The following NSMCE2 variants were observed in gnomAD, a reference collection of about 807,000 sequenced individuals.
The protein encoded by NSMCE2 is NSE2 SUMO ligase component of SMC5/6 complex.
In NSMCE2, 24 loss-of-function variants were observed where a neutral mutation model predicts 23.8. That is an observed-to-expected ratio of 1.01 (90% CI 0.73 to 1.42). The LOEUF (loss-of-function observed/expected upper bound fraction) is 1.42, where lower values mean the gene tolerates loss of function less well. NSMCE2 is among the 40% of genes most tolerant of loss of function. The probability of loss-of-function intolerance (pLI) is 0.00; values close to 1 mark genes in which losing one functional copy is unlikely to be tolerated. For missense variants in NSMCE2, 284 were observed against 296.5 expected (o/e 0.96, Z 0.31); for synonymous variants, 92 against 94.1 (o/e 0.98, Z 0.13).
intron 5 of NSMCE2, among the ~76,000 whole-genome samples, chr8:125,283,290 T>C (rs1332996998): frequency 6.6e-6 from 1 of 152,220 alleles, no homozygotes; most frequent in Admixed American, 6.5e-5. Context: ...GGCTCATGCC[T>C]GTAATCCCAG....
intron 7 of NSMCE2, among the ~76,000 whole-genome samples, chr8:125,362,612 A>G (rs553548198): frequency 6.6e-5 from 10 of 152,332 alleles, no homozygotes; most frequent in African/African-American, 1.9e-4. Context: ...ATGTTCTTAA[A>G]GGGAAAAACT....
chr8:125,266,999 C>CTTGCT (rs1563752901), intron 5 of NSMCE2, among the ~76,000 whole-genome samples: 7 of 103,994 alleles, frequency 6.7e-5, no homozygotes, highest in African/African-American at 1.7e-4. Flanking sequence ...TTTCTTTTTT[C>CTTGCT]TTTCTTTTTT....
chr8:125,183,634 G>GGTTGTGTGTGTGTGTGTGTGTGTGT (rs71515999), intron 5 of NSMCE2, among the ~76,000 whole-genome samples: 86 of 147,588 alleles, frequency 5.8e-4, no homozygotes, highest in African/African-American at 2.0e-3. Context: ...ATTACTCAGT[G>GGTTGTGTGTGTGTGTGTGTGTGTGT]GTGTGTGTGT....
chr8:125,190,218 C>T (rs1738236930), intron 5 of NSMCE2, among the ~76,000 whole-genome samples: 1 of 152,208 alleles, frequency 6.6e-6, no homozygotes, highest in Non-Finnish European at 1.5e-5. Flanking sequence ...TGACTCTTTT[C>T]TGTGTGTCTC....
chr8:125,142,681 C>A (rs747232304), intron 3 of NSMCE2, among the ~76,000 whole-genome samples: 5 of 151,950 alleles, frequency 3.3e-5, no homozygotes, highest in Non-Finnish European at 7.4e-5. Flanking sequence ...CTTGGCTCAC[C>A]ACAACCTCCA....
At chr8:125,119,096 T>G in intron 3 of NSMCE2, among the ~76,000 whole-genome samples, 1 of 152,154 alleles carries the variant, frequency 6.6e-6, no homozygotes, top group South Asian at 2.1e-4. Context: ...ACTCAGAAAG[T>G]TGAGTAGTTT....
chr8:125,117,980 C>T (rs1386299797), intron 3 of NSMCE2, among the ~76,000 whole-genome samples: 2 of 151,952 alleles, frequency 1.3e-5, no homozygotes, highest in African/African-American at 2.4e-5. Flanking sequence ...TTTTAAAGAC[C>T]GCATTCAATT....
intron 5 of NSMCE2, among the ~76,000 whole-genome samples, chr8:125,274,157 C>T (rs1254876269): frequency 6.6e-6 from 1 of 152,174 alleles, no homozygotes; most frequent in African/African-American, 2.4e-5. Flanking sequence ...GACAGGGAAG[C>T]TTAACCCGTA....
At chr8:125,239,017 TTAAC>T (rs1242236945) in intron 5 of NSMCE2, among the ~76,000 whole-genome samples, 5 of 152,266 alleles carry the variant, frequency 3.3e-5, no homozygotes, top group African/African-American at 1.2e-4. Flanking sequence ...TAGATGCTGA[TTAAC>T]TAGTCAATGA....
At chr8:125,359,916 T>C (rs1813454892) in intron 7 of NSMCE2, among the ~76,000 whole-genome samples, 2 of 152,204 alleles carry the variant, frequency 1.3e-5, no homozygotes, top group South Asian at 4.2e-4. Context: ...CCAATAGCAA[T>C]GCAGAGATGG....
intron 5 of NSMCE2, among the ~76,000 whole-genome samples, chr8:125,267,129 C>CA (rs1826954641): frequency 6.6e-6 from 1 of 151,296 alleles, no homozygotes; most frequent in Non-Finnish European, 1.5e-5. Context: ...CTCAGCCTCC[C>CA]AAGTAACTGG....
intron 5 of NSMCE2, among the ~76,000 whole-genome samples, chr8:125,194,823 A>T (rs1823534977): frequency 6.6e-6 from 1 of 152,138 alleles, no homozygotes; most frequent in Non-Finnish European, 1.5e-5. Flanking sequence ...CTGCTATTCT[A>T]ATAAGTATGT....
intron 5 of NSMCE2, among the ~76,000 whole-genome samples, chr8:125,314,022 A>C (rs1257472069): frequency 6.6e-6 from 1 of 152,224 alleles, no homozygotes; most frequent in Non-Finnish European, 1.5e-5. Context: ...AAAGTGAAAA[A>C]GATTGGCATG....
chr8:125,360,545 C>T (rs1813493213), intron 7 of NSMCE2, among the ~76,000 whole-genome samples: 1 of 151,594 alleles, frequency 6.6e-6, no homozygotes, highest in African/African-American at 2.4e-5. Flanking sequence ...AAGAAGACCC[C>T]TAAAAAAGCA....
chr8:125,198,823 T>C (rs1823741987), intron 5 of NSMCE2, among the ~76,000 whole-genome samples: 1 of 152,180 alleles, frequency 6.6e-6, no homozygotes, highest in Admixed American at 6.5e-5. Flanking sequence ...GTCCTGGGCT[T>C]TTTTTGGTTG....
intron 3 of NSMCE2, among the ~76,000 whole-genome samples, chr8:125,104,384 T>C (rs1818352686): frequency 6.6e-6 from 1 of 152,242 alleles, no homozygotes. Flanking sequence ...CGTTAAGCTT[T>C]GTTAGGTCAA....
intron 4 of NSMCE2, among the ~76,000 whole-genome samples, chr8:125,172,052 A>G (rs1307318041): frequency 6.6e-6 from 1 of 152,216 alleles, no homozygotes; most frequent in African/African-American, 2.4e-5. Flanking sequence ...TTTAATACTC[A>G]AAGGTTAAGT....
At chr8:125,213,571 CT>C (rs1824444315) in intron 5 of NSMCE2, among the ~76,000 whole-genome samples, 1 of 129,224 alleles carries the variant, frequency 7.7e-6, no homozygotes, top group African/African-American at 2.9e-5. Context: ...TCCCCTCCCC[CT>C]CCCCTCTTTC....
intron 3 of NSMCE2, among the ~76,000 whole-genome samples, chr8:125,135,430 C>T (rs1820016110): frequency 6.6e-6 from 1 of 152,080 alleles, no homozygotes; most frequent in African/African-American, 2.4e-5. Context: ...GTGGATTGTG[C>T]TTTGCTCTTG....
Sources: allele counts gnomAD v4.1 joint callset (sites outside exome capture counted in the v4.1 genomes callset), GRCh38; gene constraint gnomAD v4.1.1; transcripts MANE v1.5; gene names NCBI Gene and HGNC (gene_info 2026-07-23, HGNC 2026-07-21).